MRPS24: variants seen among roughly 807,000 people sequenced by gnomAD.
MRPS24 encodes mitochondrial ribosomal protein S24, also known as small ribosomal subunit protein uS3m.
In MRPS24, 15 loss-of-function variants were observed where a neutral mutation model predicts 21.8. That is an observed-to-expected ratio of 0.69 (90% CI 0.46 to 1.06). The LOEUF is 1.06. MRPS24 is among the 50% of genes least tolerant of loss of function. The probability of loss-of-function intolerance (pLI) is 0.00; values close to 1 mark genes in which losing one functional copy is unlikely to be tolerated. For missense variants in MRPS24, 224 were observed against 219.1 expected, an observed-to-expected ratio of 1.02 and a Z score of -0.14; for synonymous variants, 93 against 93.7, an observed-to-expected ratio of 0.99 and a Z score of 0.04.
At chr7:43,867,080 A>C (rs1585774264) in intron 3 of MRPS24, 98 bp from the exon 4 acceptor site, 3 of 1,223,774 alleles carry the variant, frequency 2.5e-6, no homozygotes, top group Non-Finnish European at 2.3e-6. Flanking sequence ...GCACAATCCC[A>C]CCCTTCACCC....
At chr7:43,867,045 CAG>C in intron 3 of MRPS24, 63 bp from the exon 4 acceptor site, 1 of 1,554,070 alleles carries the variant, frequency 6.4e-7, no homozygotes, top group Non-Finnish European at 8.8e-7. Context: ...GCCATAACTC[CAG>C]AGTCAACATC....
Position 43,869,063 on chromosome 7 carries a change from G to A in MRPS24, c.120C>T (p.Ala40=). The A allele has an allele frequency of 6.2e-7, 1 of 1,612,698 alleles. No individual in the cohort carries two copies. The highest frequency in any genetic ancestry group is 1.7e-5 in the Admixed American group (1 of 60,028). The change falls in exon 3 of 4, where the codon GCC becomes GCT. Residue 40 remains alanine, a synonymous_variant. Coordinates refer to ENST00000317534, the MANE Select transcript of MRPS24 (RefSeq NM_032014.3). The surrounding 1 kb of genome is among the most constrained non-coding windows in gnomAD (Gnocchi z 4.8). ...TGTCCCCCTTGCTTACGCGTACTCG[G>A]GCCGCCCGGTTCTAGGAGCAAAAGG... ...TSPVCAKNRA[A]RVRVSKGDKP...
chr7:43,868,678 C>A, intron 3 of MRPS24: 1 of 378,486 alleles, frequency 2.6e-6, no homozygotes, highest in Non-Finnish European at 4.8e-6. Context: ...GACAGGAATG[C>A]AAAATAATTC....
intron 3 of MRPS24, 145 bp downstream of exon 3, chr7:43,868,817 CT>C: frequency 9.3e-7 from 1 of 1,079,418 alleles, no homozygotes; most frequent in Non-Finnish European, 1.3e-6. Flanking sequence ...TATATCTCTG[CT>C]TTTTTATGTC....
rs1385743552 is a variant in MRPS24 at position 43,869,338 on chromosome 7, G to C, written c.78C>G (p.Arg26=). The stretch of plus-strand genomic sequence containing the variant: ...CGCAGACCGGGGAGGTGTGCAGGGC[G>C]CGCCAAGCGCAAGGCAGCTCTCGGC... ...SWSRELPCAW[R]ALHTSPVCAK... Residue 26 remains arginine, a synonymous_variant, in exon 2 of 4, where the codon CGC becomes CGG. Transcript: ENST00000317534. This position sits in a 1 kb window ranked among gnomAD's most constrained non-coding sequence, Gnocchi z 4.8. 5 of 1,547,982 alleles carry C rather than the reference G, an allele frequency of 3.2e-6. No individual in the cohort carries two copies. The highest frequency in any genetic ancestry group is 3.5e-6 in the Non-Finnish European group (4 of 1,146,604).
At position 43,869,511 on chromosome 7, in the gene MRPS24, G is replaced by A. The variant is rs768366882; in HGVS notation, c.-16C>T. On this transcript the variant is annotated 5_prime_UTR_variant, in exon 1 of 4. Coordinates refer to ENST00000317534, the MANE Select transcript of MRPS24 (RefSeq NM_032014.3). This position sits in a 1 kb window ranked among gnomAD's most constrained non-coding sequence, Gnocchi z 4.8. ...AGGCCGCCATCTTGGGCCAAGCGGAGCGCGGGACGTACCACAGCGCGCTGA... is the reference window on the plus strand; with the variant it reads ...AGGCCGCCATCTTGGGCCAAGCGGAACGCGGGACGTACCACAGCGCGCTGA... The A allele has an allele frequency of 2.6e-6, 4 of 1,561,516 alleles. No individual in the cohort carries two copies. Among genetic ancestry groups the A allele is most frequent in the Non-Finnish European group, 3.5e-6 (4 of 1,155,946 alleles).
Position 43,866,829 on chromosome 7 carries a change from C to T in MRPS24, c.374G>A (p.Arg125Lys). The change falls in exon 4 of 4, where the codon AGG (arginine) becomes AAG (lysine). Residue 125 changes from arginine (R) to lysine (K), a missense_variant. By Grantham distance (26) the Arg-to-Lys change is conservative (BLOSUM62 2). Transcript: ENST00000317534. ...NQLEICAVVL[R>K]QLSPHKYYFL... Reference sequence around the variant, plus strand: ...GTAGTACTTGTGTGGAGACAACTGCCTCAGGACCACGGCACAGATCTCCAA... The same window carrying T: ...GTAGTACTTGTGTGGAGACAACTGCTTCAGGACCACGGCACAGATCTCCAA... 1 of 1,614,234 alleles carries T rather than the reference C, an allele frequency of 6.2e-7. No homozygotes were observed. Among genetic ancestry groups the T allele is most frequent in the Non-Finnish European group, 8.5e-7 (1 of 1,180,044 alleles).
In MRPS24 at chr7:43,869,342, C is replaced by G. The variant is rs1205059055; in HGVS notation, c.74G>C (p.Trp25Ser). The G allele has an allele frequency of 6.5e-7, 1 of 1,548,608 alleles. No homozygotes were observed. ...LSWSRELPCA[W>S]RALHTSPVCA... ...GACCGGGGAGGTGTGCAGGGCGCGCCAAGCGCAAGGCAGCTCTCGGCTCCA... is the reference window on the plus strand; with the variant it reads ...GACCGGGGAGGTGTGCAGGGCGCGCGAAGCGCAAGGCAGCTCTCGGCTCCA... Residue 25 changes from tryptophan (W) to serine (S), a missense_variant, in exon 2 of 4, where the codon TGG becomes TCG. Physicochemically the swap from Trp to Ser is radical, Grantham distance 177. Transcript: ENST00000317534. This position sits in a 1 kb window ranked among gnomAD's most constrained non-coding sequence, Gnocchi z 4.8.
At position 43,869,474 on chromosome 7, in the gene MRPS24, C is replaced by G; in HGVS notation, c.22G>C (p.Gly8Arg). The G allele has an allele frequency of 1.3e-6, 2 of 1,569,298 alleles. No individual in the cohort carries two copies. Among genetic ancestry groups the G allele is most frequent in the South Asian group, 2.3e-5 (2 of 85,508 alleles). MAASVCS[G>R]LLGPRVLSWS... ...CCACTCACCCGTGGCCCCAGCAACC[C>G]GCTGCACACGGAGGCCGCCATCTTG... The change falls in exon 1 of 4, where the codon GGG becomes CGG. Residue 8 changes from glycine to arginine, a missense_variant. Coordinates refer to ENST00000317534, the MANE Select transcript of MRPS24 (RefSeq NM_032014.3). The surrounding 1 kb of genome is among the most constrained non-coding windows in gnomAD (Gnocchi z 4.8).
At chr7:43,868,866 T>A in intron 3 of MRPS24, 97 bp downstream of exon 3, 1 of 1,437,708 alleles carries the variant, frequency 7.0e-7, no homozygotes, top group Non-Finnish European at 9.5e-7. Flanking sequence ...GACCCTAGCA[T>A]TATTTCCTGA....
chr7:43,869,391 C>T lies in MRPS24; in HGVS notation c.40-15G>A. The T allele has an allele frequency of 6.5e-7, 1 of 1,549,830 alleles. No individual in the cohort carries two copies. On this transcript the variant is annotated splice_polypyrimidine_tract_variant and intron_variant, in intron 1 of 3. Coordinates refer to ENST00000317534, the MANE Select transcript of MRPS24 (RefSeq NM_032014.3). The surrounding 1 kb of genome is among the most constrained non-coding windows in gnomAD (Gnocchi z 4.8). ...CAGGACAGCACCTGTGGAGGGAGGG[C>T]GCGTGAGGCGGAAACTAGGGACCCC... is the stretch of plus-strand genomic sequence containing the variant.
rs1458353045 is a variant in MRPS24, at chr7:43,869,433, G to C, written c.39+24C>G. 1 of 1,555,690 alleles carries C rather than the reference G, an allele frequency of 6.4e-7. No homozygotes were observed. The highest frequency in any genetic ancestry group is 8.7e-7 in the Non-Finnish European group (1 of 1,150,598). On this transcript the variant is annotated intron_variant, in intron 1 of 3. Transcript: ENST00000317534. This position sits in a 1 kb window ranked among gnomAD's most constrained non-coding sequence, Gnocchi z 4.8. ...AGGGACCCCACCTCCGACTCGCAGGGACCTGCCGAGTCGCCCCACTCACCC... is the reference window on the plus strand; with the variant it reads ...AGGGACCCCACCTCCGACTCGCAGGCACCTGCCGAGTCGCCCCACTCACCC...
chr7:43,866,712 T>A lies in MRPS24; in HGVS notation c.491A>T (p.Tyr164Phe). ...HLQTVPSKVV[Y>F]KYL ...AAGGGGATTGTTCTAGAGGTACTTA[T>A]ACACAACCTTTGAGGGCACAGTTTG... is the stretch of plus-strand genomic sequence containing the variant. Residue 164 changes from tyrosine to phenylalanine, a missense_variant, in exon 4 of 4, where the codon TAT becomes TTT. Physicochemically the swap from Tyr to Phe is conservative, Grantham distance 22. Coordinates refer to ENST00000317534, the MANE Select transcript of MRPS24 (RefSeq NM_032014.3). The A allele has an allele frequency of 6.2e-7, 1 of 1,614,226 alleles. No individual in the cohort carries two copies. Among genetic ancestry groups the A allele is most frequent in the Non-Finnish European group, 8.5e-7 (1 of 1,180,024 alleles).
chr7:43,868,938 T>G, intron 3 of MRPS24, 25 bp downstream of exon 3: 2 of 1,610,288 alleles, frequency 1.2e-6, no homozygotes, highest in Non-Finnish European at 1.7e-6. Context: ...TGAGTGCTCC[T>G]TTTGGAGGCC....
chr7:43,869,272 C>T lies in MRPS24; in HGVS notation c.108+36G>A, dbSNP rs528260090. ...TTCCCCGGCCCCCGGCCCCCCGGCC[C>T]CCAGGCCCCCAGGCCCCTGCCCCGG... On this transcript the variant is annotated intron_variant, in intron 2 of 3. Coordinates refer to ENST00000317534, the MANE Select transcript of MRPS24 (RefSeq NM_032014.3). The surrounding 1 kb of genome is among the most constrained non-coding windows in gnomAD (Gnocchi z 4.8). 2 of 1,510,158 alleles carry T rather than the reference C, an allele frequency of 1.3e-6. No individual in the cohort carries two copies. The highest frequency in any genetic ancestry group is 4.3e-5 in the Admixed American group (2 of 46,938). 93.5% of individuals were successfully genotyped at this position (1,510,158 alleles called of 1,614,324 possible).
rs764035484 is a variant in MRPS24, at chr7:43,866,915, C to T, written c.288G>A (p.Met96Ile). 1.8e-5 allele frequency: 29 copies of T among 1,614,198 alleles called. No individual in the cohort carries two copies. The South Asian group carries it at 2.9e-4, about 16-fold the overall frequency. ...TVEDVFLRKF[M>I]WGTFPGCLAD... ...CCAGGCAGCCTGGGAAGGTACCCCA[C>T]ATGAACTTGCGAAGGAAAACATCCT... Residue 96 changes from methionine to isoleucine, a missense_variant, in exon 4 of 4, where the codon ATG becomes ATA. Coordinates refer to ENST00000317534, the MANE Select transcript of MRPS24 (RefSeq NM_032014.3).
Position 43,869,233 on chromosome 7 carries a change from T to C in MRPS24, c.108+75A>G. On this transcript the variant is annotated intron_variant, in intron 2 of 3. Coordinates refer to ENST00000317534, the MANE Select transcript of MRPS24 (RefSeq NM_032014.3). The surrounding 1 kb of genome is among the most constrained non-coding windows in gnomAD (Gnocchi z 4.8). ...CTCGGACCCCAGCGACACGCCCCCT[T>C]CAGCCCGCACGGCTTCCCCGGCCCC... 6.7e-7 allele frequency: 1 copy of C among 1,482,900 alleles called. No homozygotes were observed. Among genetic ancestry groups the C allele is most frequent in the Non-Finnish European group, 8.9e-7 (1 of 1,121,172 alleles). The allele number at this position is 1,482,900 out of a possible 1,614,324, so 91.9% of individuals were successfully genotyped here. A position where few individuals can be genotyped will look rare whatever the true frequency, so the allele number is the denominator to read the frequency against.
rs539601633 is a variant in MRPS24, at chr7:43,868,136, G to A, written c.220+827C>T. The A allele has an allele frequency of 1.6e-3, 244 of 152,216 alleles. 1 individual carries two copies. Among genetic ancestry groups the A allele is most frequent in the African/African-American group, 5.6e-3 (234 of 41,524 alleles). The allele number at this position is 152,216 out of a possible 1,614,324, so 9.4% of individuals were successfully genotyped here. ...TCACTAACATTGAATTCAGGGCCAA[G>A]AGCAACTCATGACTGAAGAAAGATT... On this transcript the variant is annotated intron_variant, in intron 3 of 3. Transcript: ENST00000317534.
rs2095839260 is a variant in MRPS24 at position 43,869,510 on chromosome 7, A to C, written c.-15T>G. 1 of 1,561,618 alleles carries C rather than the reference A, an allele frequency of 6.4e-7. No individual in the cohort carries two copies. The highest frequency in any genetic ancestry group is 1.4e-5 in the African/African-American group (1 of 73,624). On this transcript the variant is annotated 5_prime_UTR_variant, in exon 1 of 4. Transcript: ENST00000317534. This position sits in a 1 kb window ranked among gnomAD's most constrained non-coding sequence, Gnocchi z 4.8. The stretch of plus-strand genomic sequence containing the variant: ...GAGGCCGCCATCTTGGGCCAAGCGG[A>C]GCGCGGGACGTACCACAGCGCGCTG...
Sources: gnomAD v4.1 joint callset for allele counts on GRCh38, gnomAD v4.1.1 for gene constraint, Gnocchi (gnomAD v3.1) non-coding constraint, MANE v1.5 for transcripts, NCBI Gene and HGNC (gene_info 2026-07-23, HGNC 2026-07-21) for gene names.